FBXL14: variants seen among roughly 807,000 people sequenced by gnomAD.
FBXL14 encodes the protein F-box/LRR-repeat protein 14.
Under a neutral mutation model 24.5 loss-of-function variants are expected in FBXL14, and 11 were observed. The observed-to-expected ratio is 0.45, with a 90% CI of 0.28 to 0.74. The LOEUF (loss-of-function observed/expected upper bound fraction) is 0.74, where lower values mean the gene tolerates loss of function less well. FBXL14 is among the 30% of genes least tolerant of loss of function. FBXL14 has a pLI of 0.12. For synonymous variants in FBXL14, 294 were observed against 240.4 expected (o/e 1.22, Z -2.06); for missense variants, 384 against 545.6 (o/e 0.70, Z 2.95).
chr12:1,570,116 G>C (rs771382846), intron 1 of FBXL14, among the ~76,000 whole-genome samples: 5 of 152,206 alleles, frequency 3.3e-5, no homozygotes, highest in Non-Finnish European at 5.9e-5. Context: ...GTCCACACTA[G>C]ACCTGTTGTC....
Position 1,569,435 on chromosome 12 carries a change from C to G in FBXL14, c.1195-2625G>C, listed in dbSNP as rs2094441567. ...TTTTTGTCTGAGACGGAGTCTCGCTCTGTCACCCAGGCTAGAGTGCAGTGC... is the reference window on the plus strand; with the variant it reads ...TTTTTGTCTGAGACGGAGTCTCGCTGTGTCACCCAGGCTAGAGTGCAGTGC... On this transcript the variant is annotated intron_variant, in intron 1 of 1. Transcript: ENST00000339235. This position sits in a 1 kb window ranked among gnomAD's most constrained non-coding sequence, Gnocchi z 4.2. Among the ~76,000 whole-genome samples the G allele has an allele frequency of 6.8e-6, 1 of 147,946 alleles. No homozygotes were observed. Among genetic ancestry groups the G allele is most frequent in the Non-Finnish European group, 1.5e-5 (1 of 67,504 alleles).
In FBXL14 at chr12:1,594,256, C is replaced by G. The variant is rs1231294797; in HGVS notation, c.-190G>C. 2.6e-5 allele frequency: 5 copies of G among 194,484 alleles called. No homozygotes were observed. The highest frequency in any genetic ancestry group is 3.9e-5 in the Non-Finnish European group (4 of 103,352). 12.0% of individuals were successfully genotyped at this position (194,484 alleles called of 1,614,324 possible). A position where few individuals can be genotyped will look rare whatever the true frequency, so the allele number is the denominator to read the frequency against. ...CCGCCGCTCCTCCTCCTGGTCCGTCCGTCCTTCCTTCCTGCCGGCTGCGCC... is the reference window on the plus strand; with the variant it reads ...CCGCCGCTCCTCCTCCTGGTCCGTCGGTCCTTCCTTCCTGCCGGCTGCGCC... On this transcript the variant is annotated 5_prime_UTR_variant, in exon 1 of 2. Coordinates refer to ENST00000339235, the MANE Select transcript of FBXL14 (RefSeq NM_152441.3).
intron 1 of FBXL14, among the ~76,000 whole-genome samples, chr12:1,580,513 G>A (rs2094464123): frequency 6.6e-6 from 1 of 152,040 alleles, no homozygotes; most frequent in East Asian, 1.9e-4. Flanking sequence ...CTAAAAACAG[G>A]ACCAAATGGA....
intron 1 of FBXL14, among the ~76,000 whole-genome samples, chr12:1,583,327 C>T (rs1222751423): frequency 6.6e-6 from 1 of 150,742 alleles, no homozygotes; most frequent in Non-Finnish European, 1.5e-5. Context: ...CCAGATATGG[C>T]AATCTAAGAA....
chr12:1,582,917 C>T (rs931997380), intron 1 of FBXL14, among the ~76,000 whole-genome samples: 2 of 152,132 alleles, frequency 1.3e-5, no homozygotes, highest in African/African-American at 2.4e-5. Context: ...TGCCATTCTA[C>T]GGAATCTGGC....
intron 1 of FBXL14, among the ~76,000 whole-genome samples, chr12:1,570,307 G>A (rs1207895425): frequency 6.6e-6 from 1 of 152,224 alleles, no homozygotes; most frequent in Non-Finnish European, 1.5e-5. Flanking sequence ...AAACCTGCTG[G>A]GGAAGTCAGC....
Position 1,594,070 on chromosome 12 carries a change from C to A in FBXL14, c.-4G>T, listed in dbSNP as rs2094496456. The stretch of plus-strand genomic sequence containing the variant: ...GGCATGAGATGTGGGTCTCCATCTT[C>A]CTCCTCCCCCCTCCGCGGCGCTGGG... On this transcript the variant is annotated 5_prime_UTR_variant, in exon 1 of 2. Transcript: ENST00000339235. The A allele has an allele frequency of 3.5e-6, 5 of 1,442,240 alleles. No homozygotes were observed. In the South Asian group the frequency reaches 7.3e-5, roughly 21 times the overall value. The allele number at this position is 1,442,240 out of a possible 1,614,324, so 89.3% of individuals were successfully genotyped here.
In FBXL14 at chr12:1,594,030, G is replaced by C. The variant is rs2094496365; in HGVS notation, c.37C>G (p.Leu13Val). 5.1e-6 allele frequency: 8 copies of C among 1,560,428 alleles called. No homozygotes were observed. The highest frequency in any genetic ancestry group is 2.3e-5 in the East Asian group (1 of 44,036). ...TCCAGGTAGCCGAAGATCATGGCCAGCAGCTCCGGGAACAGGCATGAGATG... is the reference window on the plus strand; with the variant it reads ...TCCAGGTAGCCGAAGATCATGGCCACCAGCTCCGGGAACAGGCATGAGATG... ...THISCLFPEL[L>V]AMIFGYLDVR... Residue 13 changes from leucine to valine, a missense_variant, in exon 1 of 2, where the codon CTG becomes GTG. Physicochemically the swap from Leu to Val is conservative, Grantham distance 32. Coordinates refer to ENST00000339235, the MANE Select transcript of FBXL14 (RefSeq NM_152441.3).
At position 1,592,782 on chromosome 12, in the gene FBXL14, G is replaced by T. The variant is rs561252085; in HGVS notation, c.1194+91C>A. 13 of 1,111,360 alleles carry T rather than the reference G, an allele frequency of 1.2e-5. No homozygotes were observed. The African/African-American group carries it at 1.3e-4, about 11-fold the overall frequency. The allele number at this position is 1,111,360 out of a possible 1,614,324, so 68.8% of individuals were successfully genotyped here. ...TCTCATCCGCTGCAATGATCTGTGC[G>T]TAAGTGTGCGTGTGAGTGTGTGGGG... On this transcript the variant is annotated intron_variant, in intron 1 of 1. Transcript: ENST00000339235.
chr12:1,589,596 G>T (rs1358861484), intron 1 of FBXL14, among the ~76,000 whole-genome samples: 1 of 152,014 alleles, frequency 6.6e-6, no homozygotes, highest in East Asian at 1.9e-4. Context: ...TGGAAAACAG[G>T]GATAATACCT....
chr12:1,575,850 G>A (rs2094454883), intron 1 of FBXL14, among the ~76,000 whole-genome samples: 1 of 152,134 alleles, frequency 6.6e-6, no homozygotes, highest in Non-Finnish European at 1.5e-5. Context: ...TGGATCCTGG[G>A]GTCAGGTTTG....
intron 1 of FBXL14, among the ~76,000 whole-genome samples, chr12:1,583,817 A>G (rs1195438753): frequency 1.3e-5 from 2 of 152,204 alleles, no homozygotes; most frequent in Non-Finnish European, 2.9e-5. Context: ...ACTTGGGGTA[A>G]AGAAAAACAC....
At chr12:1,572,100 G>A (rs1364901872) in intron 1 of FBXL14, among the ~76,000 whole-genome samples, 11 of 152,248 alleles carry the variant, frequency 7.2e-5, no homozygotes, top group African/African-American at 1.9e-4. Context: ...TCACGTTTAC[G>A]TGGGGGAGTC....
chr12:1,592,213 A>T (rs2094491949), intron 1 of FBXL14, among the ~76,000 whole-genome samples: 1 of 146,910 alleles, frequency 6.8e-6, no homozygotes, highest in Non-Finnish European at 1.5e-5. Flanking sequence ...TATATAATTT[A>T]TATATATATA....
chr12:1,584,793 G>A (rs1272137373), intron 1 of FBXL14, among the ~76,000 whole-genome samples: 1 of 152,228 alleles, frequency 6.6e-6, no homozygotes, highest in Admixed American at 6.5e-5. Context: ...TTTTCGTGTT[G>A]TTTGCTTAAG....
At chr12:1,578,634 G>A (rs1219683146) in intron 1 of FBXL14, among the ~76,000 whole-genome samples, 3 of 152,004 alleles carry the variant, frequency 2.0e-5, no homozygotes, top group East Asian at 1.9e-4. Context: ...GCAAGACGCC[G>A]TCTCTAAAAT....
intron 1 of FBXL14, among the ~76,000 whole-genome samples, chr12:1,580,031 G>A (rs189028440): frequency 3.9e-5 from 6 of 152,318 alleles, no homozygotes; most frequent in African/African-American, 1.2e-4. Context: ...CCAATAGACC[G>A]ATACACATAG....
At chr12:1,594,699 G>A (rs897562104), upstream of FBXL14, among the ~76,000 whole-genome samples, 23 of 149,394 alleles carry the variant, frequency 1.5e-4, no homozygotes, top group African/African-American at 5.6e-4. Context: ...CTTGGGAGCT[G>A]CCGGCCCCCG....
intron 1 of FBXL14, among the ~76,000 whole-genome samples, chr12:1,580,173 C>T (rs1047116079): frequency 1.3e-5 from 2 of 152,190 alleles, no homozygotes; most frequent in Admixed American, 6.5e-5. Context: ...GGGTTGGGAA[C>T]GTGACCTCTT....
Sources: gnomAD v4.1 joint callset for allele counts (sites outside exome capture counted in the v4.1 genomes callset) on GRCh38, gnomAD v4.1.1 for gene constraint, Gnocchi (gnomAD v3.1) non-coding constraint, MANE v1.5 for transcripts, NCBI Gene and HGNC (gene_info 2026-07-23, HGNC 2026-07-21) for gene names.